IGSF11: variants seen among roughly 807,000 people sequenced by gnomAD.
The protein encoded by IGSF11 is immunoglobulin superfamily member 11.
IGSF11 carries 22 observed loss-of-function variants against 41.0 expected under a neutral mutation model. The observed-to-expected ratio is 0.54, with a 90% CI of 0.38 to 0.77. The LOEUF (loss-of-function observed/expected upper bound fraction) is 0.77. IGSF11 is among the 30% of genes least tolerant of loss of function. IGSF11 has a pLI of 0.00. For synonymous variants in IGSF11, 219 were observed against 201.3 expected, an observed-to-expected ratio of 1.09 and a Z score of -0.74; for missense variants, 444 against 530.8, an observed-to-expected ratio of 0.84 and a Z score of 1.61.
At chr3:118,905,809 C>T in intron 4 of IGSF11, 91 bp from the exon 5 acceptor site, 3 of 1,400,706 alleles carry the variant, frequency 2.1e-6, no homozygotes, top group South Asian at 2.5e-5. Context: ...CAGACGAACA[C>T]TGGAGAGCTA....
chr3:119,069,002 C>T (rs1040727558), intron 1 of IGSF11, among the ~76,000 whole-genome samples: 1 of 146,452 alleles, frequency 6.8e-6, no homozygotes, highest in Non-Finnish European at 1.5e-5. Flanking sequence ...TCTCAGCTCA[C>T]TGCAAGCTCC....
At chr3:119,145,272 C>G (rs1432220873) in intron 1 of IGSF11, among the ~76,000 whole-genome samples, 1 of 152,184 alleles carries the variant, frequency 6.6e-6, no homozygotes, top group Non-Finnish European at 1.5e-5. Flanking sequence ...TCAGTGATTT[C>G]AGGCTTTGCA....
upstream of IGSF11, among the ~76,000 whole-genome samples, chr3:119,106,032 G>C (rs888775580): frequency 2.0e-5 from 3 of 152,084 alleles, no homozygotes; most frequent in South Asian, 2.1e-4. Flanking sequence ...ATAGAGCAAA[G>C]GGATCACACA....
At chr3:119,094,115 T>C (rs1351617275) in intron 1 of IGSF11, among the ~76,000 whole-genome samples, 1 of 148,462 alleles carries the variant, frequency 6.7e-6, no homozygotes, top group East Asian at 2.0e-4. Flanking sequence ...ATAGTTACAG[T>C]TGATAAAAAT....
chr3:118,930,762 A>G (rs762605929), intron 1 of IGSF11, among the ~76,000 whole-genome samples: 3 of 152,252 alleles, frequency 2.0e-5, no homozygotes, highest in Non-Finnish European at 4.4e-5. Context: ...AGAGATATGT[A>G]ACGTTCATGA....
At chr3:118,967,687 T>G (rs138695803) in intron 1 of IGSF11, among the ~76,000 whole-genome samples, 1,656 of 152,300 alleles carry the variant, frequency 0.011, 23 homozygotes, top group Non-Finnish European at 0.013. Context: ...CACCCTTTCC[T>G]GTCCATTTTT....
At chr3:118,910,583 G>A (rs188542708) in intron 4 of IGSF11, among the ~76,000 whole-genome samples, 15 of 152,262 alleles carry the variant, frequency 9.9e-5, no homozygotes, top group Admixed American at 6.5e-4. Context: ...TCTAAAATGC[G>A]TATCTGGTGA....
intron 1 of IGSF11, among the ~76,000 whole-genome samples, chr3:119,123,662 G>A (rs1360417671): frequency 6.6e-6 from 1 of 152,082 alleles, no homozygotes; most frequent in Non-Finnish European, 1.5e-5. Flanking sequence ...TCAGCACAGA[G>A]AGAGAGAGAG....
rs1939363449 is a variant in IGSF11, at chr3:118,904,721, T to G, written c.781A>C (p.Ile261Leu). Residue 261 changes from isoleucine (I) to leucine (L), a missense_variant, in exon 6 of 7, where the codon ATT becomes CTT. Coordinates refer to ENST00000393775, the MANE Select transcript of IGSF11 (RefSeq NM_001015887.3). ...AVIIIFCIAL[I>L]LGAFFYWRSK... ...CTCCAGTAAAAGAATGCCCCTAAAATTAGTGCAATGCAAAAAATGATAATA... is the reference window on the plus strand; with the variant it reads ...CTCCAGTAAAAGAATGCCCCTAAAAGTAGTGCAATGCAAAAAATGATAATA... 1 of 1,613,420 alleles carries G rather than the reference T, an allele frequency of 6.2e-7. No homozygotes were observed.
At chr3:118,962,234 T>C (rs965958142) in intron 1 of IGSF11, among the ~76,000 whole-genome samples, 1 of 152,252 alleles carries the variant, frequency 6.6e-6, no homozygotes, top group Non-Finnish European at 1.5e-5. Context: ...GTTCACTCTA[T>C]TGGAAGTTTC....
chr3:118,924,029 CAAT>C (rs1309676505), intron 4 of IGSF11, among the ~76,000 whole-genome samples: 3 of 152,090 alleles, frequency 2.0e-5, no homozygotes, highest in African/African-American at 4.8e-5. Context: ...GTTTTCACCT[CAAT>C]GATGATTTTC....
At chr3:119,089,507 T>C (rs2076729131) in intron 1 of IGSF11, among the ~76,000 whole-genome samples, 3 of 152,160 alleles carry the variant, frequency 2.0e-5, no homozygotes, top group South Asian at 2.1e-4. Context: ...CATTCTCCTT[T>C]AGAATTGGAA....
intron 1 of IGSF11, among the ~76,000 whole-genome samples, chr3:119,080,229 T>C (rs1222870745): frequency 6.6e-6 from 1 of 152,254 alleles, no homozygotes; most frequent in Non-Finnish European, 1.5e-5. Context: ...AATTTTTCTA[T>C]GCTTAGTAAT....
At chr3:119,018,695 C>T (rs55742142) in intron 1 of IGSF11, among the ~76,000 whole-genome samples, 12,483 of 152,228 alleles carry the variant, frequency 0.082, 613 homozygotes, top group East Asian at 0.13. Context: ...AATAAACATA[C>T]ATAAAATGTC....
intron 1 of IGSF11, among the ~76,000 whole-genome samples, chr3:119,100,718 G>A (rs966743311): frequency 2.6e-5 from 4 of 152,160 alleles, no homozygotes; most frequent in African/African-American, 7.2e-5. Flanking sequence ...ACCATGAGAC[G>A]TTTCTAAGGT....
At chr3:119,141,834 T>C (rs2077651637) in intron 1 of IGSF11, among the ~76,000 whole-genome samples, 1 of 151,912 alleles carries the variant, frequency 6.6e-6, no homozygotes, top group Non-Finnish European at 1.5e-5. Context: ...GACGGAAAAG[T>C]GGCTATAAAG....
chr3:118,981,074 G>A (rs1934665615), intron 1 of IGSF11, among the ~76,000 whole-genome samples: 1 of 152,168 alleles, frequency 6.6e-6, no homozygotes, highest in Non-Finnish European at 1.5e-5. Context: ...TCACCTCAAG[G>A]ATCACTTGTG....
chr3:119,141,202 G>T (rs867209579), intron 1 of IGSF11, among the ~76,000 whole-genome samples: 1 of 151,558 alleles, frequency 6.6e-6, no homozygotes, highest in Non-Finnish European at 1.5e-5. Context: ...AAAGAAATTA[G>T]AAAATACTTT....
chr3:118,972,149 C>T (rs1933518364), intron 1 of IGSF11, among the ~76,000 whole-genome samples: 2 of 152,144 alleles, frequency 1.3e-5, no homozygotes, highest in African/African-American at 2.4e-5. Context: ...ACATCTTGAC[C>T]TGAACTTGAG....
Sources: allele counts gnomAD v4.1 joint callset (sites outside exome capture counted in the v4.1 genomes callset), GRCh38; gene constraint gnomAD v4.1.1; transcripts MANE v1.5; gene names NCBI Gene and HGNC (gene_info 2026-07-23, HGNC 2026-07-21).